Variants in THSD7B observed in about 807,000 individuals in gnomAD.
The protein encoded by THSD7B is thrombospondin type-1 domain-containing protein 7B.
Under a neutral mutation model 213.6 loss-of-function variants are expected in THSD7B, and 138 were observed. That is an observed-to-expected ratio of 0.65 (90% CI 0.56 to 0.74). THSD7B has a LOEUF of 0.74. THSD7B is among the 30% of genes least tolerant of loss of function. The probability of loss-of-function intolerance (pLI) is 0.00; values close to 1 mark genes in which losing one functional copy is unlikely to be tolerated. For synonymous variants in THSD7B, 742 were observed against 687.0 expected (o/e 1.08, Z -1.25); for missense variants, 1,931 against 1,991.5 (o/e 0.97, Z 0.58).
rs182538783 is a variant in THSD7B at position 137,106,957 on chromosome 2, C to T, written c.1200-8167C>T. ...CACTGTTGGTAGGAGTGTAAATTAGCTAAACCATTGTGGAAGTCAGTGTGG... is the reference window on the plus strand; with the variant it reads ...CACTGTTGGTAGGAGTGTAAATTAGTTAAACCATTGTGGAAGTCAGTGTGG... On this transcript the variant is annotated intron_variant, in intron 4 of 27. Transcript: ENST00000409968. Among the ~76,000 whole-genome samples, 463 of 152,196 alleles carry T rather than the reference C, an allele frequency of 3.0e-3. 5 individuals carry two copies. Among genetic ancestry groups the T allele is most frequent in the African/African-American group, 0.011 (444 of 41,544 alleles).
intron 27 of THSD7B, among the ~76,000 whole-genome samples, chr2:137,676,119 C>T (rs1309881068): frequency 6.6e-6 from 1 of 152,160 alleles, no homozygotes; most frequent in African/African-American, 2.4e-5. Flanking sequence ...CAGGTCAGAG[C>T]AGAAGTGTGT....
At chr2:137,214,324 T>C (rs1681185526) in intron 7 of THSD7B, among the ~76,000 whole-genome samples, 1 of 152,124 alleles carries the variant, frequency 6.6e-6, no homozygotes, top group Admixed American at 6.6e-5. Flanking sequence ...AAGTGGAAAT[T>C]GAACTATTAA....
At chr2:136,977,813 T>TG (rs1685508401) in intron 2 of THSD7B, among the ~76,000 whole-genome samples, 2 of 149,562 alleles carry the variant, frequency 1.3e-5, no homozygotes, top group Non-Finnish European at 3.0e-5. Context: ...TTTTTTTTTT[T>TG]TTTTTTTTTA....
At chr2:136,800,300 C>T (rs1451853756) in intron 1 of THSD7B, among the ~76,000 whole-genome samples, 4 of 151,776 alleles carry the variant, frequency 2.6e-5, no homozygotes, top group African/African-American at 9.7e-5. Context: ...TTACCTCCTC[C>T]TTTAGGGAGG....
intron 12 of THSD7B, among the ~76,000 whole-genome samples, chr2:137,279,323 C>T (rs1243829738): frequency 2.6e-5 from 4 of 152,016 alleles, no homozygotes; most frequent in Non-Finnish European, 5.9e-5. Context: ...ATTCCTTGAG[C>T]TCAAGAGTTG....
chr2:137,380,299 G>T (rs1685745385), intron 12 of THSD7B, among the ~76,000 whole-genome samples: 1 of 151,748 alleles, frequency 6.6e-6, no homozygotes, highest in Non-Finnish European at 1.5e-5. Context: ...CACAAATCTA[G>T]TTCCAGCTAC....
At chr2:137,076,679 A>T (rs900885702) in intron 3 of THSD7B, among the ~76,000 whole-genome samples, 1 of 151,826 alleles carries the variant, frequency 6.6e-6, no homozygotes, top group African/African-American at 2.4e-5. Flanking sequence ...CTTCTGCGTC[A>T]CTCACGCTGG....
intron 2 of THSD7B, among the ~76,000 whole-genome samples, chr2:136,954,502 G>A (rs550486560): frequency 1.3e-5 from 2 of 152,114 alleles, no homozygotes; most frequent in South Asian, 4.2e-4. Context: ...GGATCTTGAG[G>A]TCAGGAGATC....
At chr2:137,156,981 T>A (rs1162634211) in intron 5 of THSD7B, among the ~76,000 whole-genome samples, 1 of 152,112 alleles carries the variant, frequency 6.6e-6, no homozygotes, top group Non-Finnish European at 1.5e-5. Flanking sequence ...AGCTTTCCAG[T>A]CTTATTAGGA....
chr2:137,160,271 C>G lies in THSD7B; in HGVS notation c.1428C>G (p.Leu476=), dbSNP rs1679991590. 1 of 1,613,632 alleles carries G rather than the reference C, an allele frequency of 6.2e-7. No homozygotes were observed. The highest frequency in any genetic ancestry group is 1.3e-5 in the African/African-American group (1 of 74,908). Reference sequence around the variant, plus strand: ...GACCCGCCCCGTTGCCCTCTCAGCTCTGCAATATCCCTTGCTCTACGGACT... The same window carrying G: ...GACCCGCCCCGTTGCCCTCTCAGCTGTGCAATATCCCTTGCTCTACGGACT... ...CVGPAPLPSQ[L]CNIPCSTDCI... is the part of the protein sequence containing the mutation. Residue 476 remains leucine (L), a synonymous_variant, in exon 6 of 28, where the codon CTC becomes CTG. Coordinates refer to ENST00000409968, the MANE Select transcript of THSD7B (RefSeq NM_001316349.2).
At chr2:136,978,435 T>C (rs936564634) in intron 2 of THSD7B, among the ~76,000 whole-genome samples, 16 of 152,220 alleles carry the variant, frequency 1.1e-4, no homozygotes, top group Admixed American at 1.0e-3. Flanking sequence ...AGTCTCTTCG[T>C]AGGTCTCCAA....
chr2:136,835,704 A>C lies in THSD7B; in HGVS notation c.-35-46440A>C, dbSNP rs943759853. 3.9e-5 allele frequency among the ~76,000 whole-genome samples: 6 copies of C among 152,342 alleles called. No homozygotes were observed. The East Asian group carries it at 9.6e-4, about 24-fold the overall frequency. Reference sequence around the variant, plus strand: ...ATACCTAAAATAACTCTTGTACTTCAGTTTCCTCACAAAGTGGAGAAATGA... The same window carrying C: ...ATACCTAAAATAACTCTTGTACTTCCGTTTCCTCACAAAGTGGAGAAATGA... On this transcript the variant is annotated intron_variant, in intron 1 of 27. Coordinates refer to ENST00000409968, the MANE Select transcript of THSD7B (RefSeq NM_001316349.2).
At chr2:137,079,323 T>C (rs1687695481) in intron 3 of THSD7B, among the ~76,000 whole-genome samples, 1 of 152,188 alleles carries the variant, frequency 6.6e-6, no homozygotes, top group African/African-American at 2.4e-5. Flanking sequence ...CCAAAAATAG[T>C]TAAGTTATAC....
intron 15 of THSD7B, among the ~76,000 whole-genome samples, chr2:137,553,182 A>G (rs772965746): frequency 8.5e-5 from 13 of 152,174 alleles, no homozygotes; most frequent in Non-Finnish European, 1.9e-4. Flanking sequence ...AGTAGACACA[A>G]TGCCCAGCAT....
intron 24 of THSD7B, among the ~76,000 whole-genome samples, chr2:137,657,623 T>C (rs1573770430): frequency 6.6e-6 from 1 of 152,254 alleles, no homozygotes; most frequent in Non-Finnish European, 1.5e-5. Flanking sequence ...GCTTTTATGA[T>C]GTAAATTACA....
At chr2:136,946,797 AG>A (rs907105397) in intron 2 of THSD7B, among the ~76,000 whole-genome samples, 32 of 152,236 alleles carry the variant, frequency 2.1e-4, no homozygotes, top group Admixed American at 6.5e-4. Flanking sequence ...AGCCTTGCAT[AG>A]GATATAATCT....
At chr2:137,653,927 C>T (rs1272987239) in intron 21 of THSD7B, among the ~76,000 whole-genome samples, 1 of 151,412 alleles carries the variant, frequency 6.6e-6, no homozygotes, top group Non-Finnish European at 1.5e-5. Context: ...TGGTTCCTTT[C>T]TTTATTCATC....
intron 2 of THSD7B, among the ~76,000 whole-genome samples, chr2:137,024,402 A>G (rs1179980001): frequency 6.6e-6 from 1 of 152,114 alleles, no homozygotes; most frequent in African/African-American, 2.4e-5. Flanking sequence ...GGGGTTTAGT[A>G]TCATTAGCAA....
intron 15 of THSD7B, among the ~76,000 whole-genome samples, chr2:137,456,505 C>T (rs1213431779): frequency 6.6e-6 from 1 of 152,130 alleles, no homozygotes; most frequent in African/African-American, 2.4e-5. Context: ...TCAACCAGCC[C>T]GACTCTCTGA....
Sources: gnomAD v4.1 joint callset for allele counts (sites outside exome capture counted in the v4.1 genomes callset) on GRCh38, gnomAD v4.1.1 for gene constraint, MANE v1.5 for transcripts, NCBI Gene and HGNC (gene_info 2026-07-23, HGNC 2026-07-21) for gene names.